Variants in MCOLN2 observed in about 807,000 individuals in gnomAD.
The protein encoded by MCOLN2 is mucolipin TRP cation channel 2, also known as mucolipin-2.
A neutral mutation model predicts 67.5 loss-of-function variants in MCOLN2; 57 were observed. That is an observed-to-expected ratio of 0.84 (90% CI 0.68 to 1.05). The LOEUF is 1.05. Among genes scored for constraint, MCOLN2 ranks in the 50% least tolerant of loss-of-function variants. The pLI is 0.00. For synonymous variants in MCOLN2, 246 were observed against 233.3 expected, an observed-to-expected ratio of 1.05 and a Z score of -0.50; for missense variants, 620 against 678.8, an observed-to-expected ratio of 0.91 and a Z score of 0.96.
intron 1 of MCOLN2, among the ~76,000 whole-genome samples, chr1:84,985,098 G>GA (rs375270641): frequency 6.3e-4 from 91 of 143,560 alleles, no homozygotes; most frequent in Admixed American, 6.9e-4. Context: ...TCAAAATGAG[G>GA]AAAAAAAAAA....
At chr1:84,941,143 T>A (rs1191966299) in intron 7 of MCOLN2, 152 bp from the exon 8 acceptor site, 1 of 611,314 alleles carries the variant, frequency 1.6e-6, no homozygotes, top group Non-Finnish European at 2.9e-6. Context: ...CACACCGCAT[T>A]CATTCAGAAG....
chr1:84,970,539 C>A (rs1467932584), intron 1 of MCOLN2, among the ~76,000 whole-genome samples: 1 of 151,438 alleles, frequency 6.6e-6, no homozygotes, highest in African/African-American at 2.4e-5. Flanking sequence ...AAATAACAGG[C>A]ATGTGTGGTG....
rs567663887 is a variant in MCOLN2 at position 84,996,929 on chromosome 1, C to T, written c.-57G>A. ...GGGATTCGGAACAGGAAACACCGTT[C>T]ACGGCCGACTCATTTCGCCCTCGCC... is the stretch of plus-strand genomic sequence containing the variant. On this transcript the variant is annotated 5_prime_UTR_variant, in exon 1 of 14. It removes the in-frame stop codon of an upstream open reading frame in the 5' UTR. Transcript: ENST00000370608. 1.3e-6 allele frequency: 2 copies of T among 1,481,488 alleles called. No individual in the cohort carries two copies. The highest frequency in any genetic ancestry group is 1.7e-5 in the Admixed American group (1 of 58,984). 91.8% of individuals were successfully genotyped at this position (1,481,488 alleles called of 1,614,324 possible).
In MCOLN2 at chr1:84,940,927, A is replaced by C; in HGVS notation, c.912T>G (p.Ser304=). ...CAATGGATCTTGTACACAGAATAAG[A>C]GATGCCAAGCAAATCACAATGACAA... ...DAFVIVICLA[S]LILCTRSIVL... Residue 304 remains serine (S), a synonymous_variant, in exon 8 of 14, where the codon TCT becomes TCG. Coordinates refer to ENST00000370608, the MANE Select transcript of MCOLN2 (RefSeq NM_153259.4). 6.2e-7 allele frequency: 1 copy of C among 1,613,924 alleles called. No homozygotes were observed. The highest frequency in any genetic ancestry group is 1.1e-5 in the South Asian group (1 of 91,034).
At chr1:84,960,342 A>G (rs185003512) in intron 2 of MCOLN2, among the ~76,000 whole-genome samples, 6 of 152,356 alleles carry the variant, frequency 3.9e-5, no homozygotes, top group Admixed American at 3.9e-4. Flanking sequence ...ATGGAAGCCA[A>G]GTCTAATTCC....
intron 7 of MCOLN2, among the ~76,000 whole-genome samples, chr1:84,944,603 G>A (rs1647990154): frequency 6.6e-6 from 1 of 152,158 alleles, no homozygotes; most frequent in South Asian, 2.1e-4. Flanking sequence ...CCAAGAAGGA[G>A]TCCCCCAATT....
chr1:84,965,080 C>T (rs982788517), intron 2 of MCOLN2, among the ~76,000 whole-genome samples: 1 of 152,098 alleles, frequency 6.6e-6, no homozygotes, highest in African/African-American at 2.4e-5. Context: ...CTCAATAATA[C>T]GAACTTGAAC....
chr1:84,966,995 C>T (rs555886691), intron 1 of MCOLN2, among the ~76,000 whole-genome samples: 7 of 152,216 alleles, frequency 4.6e-5, no homozygotes, highest in Admixed American at 6.5e-5. Flanking sequence ...CATTATATAA[C>T]ACATAAAAGT....
chr1:84,985,882 A>G (rs1209860253), intron 1 of MCOLN2, among the ~76,000 whole-genome samples: 1 of 152,178 alleles, frequency 6.6e-6, no homozygotes, highest in Non-Finnish European at 1.5e-5. Context: ...GCAATCTACA[A>G]GTCCAATGCA....
At chr1:84,985,286 G>T (rs1199279519) in intron 1 of MCOLN2, among the ~76,000 whole-genome samples, 11 of 152,134 alleles carry the variant, frequency 7.2e-5, no homozygotes, top group African/African-American at 2.7e-4. Context: ...TGGCTCAGCA[G>T]CATTTGATAC....
At chr1:84,968,890 A>G (rs931875957) in intron 1 of MCOLN2, among the ~76,000 whole-genome samples, 1 of 152,236 alleles carries the variant, frequency 6.6e-6, no homozygotes, top group African/African-American at 2.4e-5. Context: ...CAGAGAGGCC[A>G]GAAGGATCTG....
chr1:84,931,981 G>T (rs1452404857), intron 11 of MCOLN2, among the ~76,000 whole-genome samples: 1 of 151,494 alleles, frequency 6.6e-6, no homozygotes, highest in Non-Finnish European at 1.5e-5. Context: ...CCAAGCTTCT[G>T]CCACTGCACT....
intron 1 of MCOLN2, among the ~76,000 whole-genome samples, chr1:84,970,290 G>A (rs1446431791): frequency 1.4e-5 from 2 of 138,258 alleles, no homozygotes; most frequent in Non-Finnish European, 3.1e-5. Context: ...CACACACACA[G>A]CCTCTGGGTG....
Position 84,929,593 on chromosome 1 carries a change from G to A in MCOLN2, c.1629C>T (p.Ser543=). Residue 543 remains serine (S), a synonymous_variant, in exon 13 of 14, where the codon TCC becomes TCT. Transcript: ENST00000370608. The stretch of plus-strand genomic sequence containing the variant: ...AGCAGATGCAGGACAGGAAGGCTGA[G>A]GACTCTTTCTGATACTCTTCTTTGC... ...CSSKEEYQKE[S]SAFLSCICCR... 8 of 1,613,738 alleles carry A rather than the reference G, an allele frequency of 5.0e-6. No individual in the cohort carries two copies. In the Middle Eastern group the frequency reaches 1.3e-3, roughly 266 times the overall value.
chr1:84,927,006 C>T (rs911853716), intron 13 of MCOLN2, among the ~76,000 whole-genome samples: 6 of 151,440 alleles, frequency 4.0e-5, no homozygotes, highest in South Asian at 2.1e-4. Context: ...CCTCCATGCC[C>T]CCAGGGAGGG....
At chr1:84,942,032 T>C (rs1240417819) in intron 7 of MCOLN2, among the ~76,000 whole-genome samples, 1 of 152,152 alleles carries the variant, frequency 6.6e-6, no homozygotes, top group Non-Finnish European at 1.5e-5. Context: ...TCTTTCCTGC[T>C]CTCACCTCAG....
At chr1:84,941,656 G>A (rs1026229232) in intron 7 of MCOLN2, among the ~76,000 whole-genome samples, 3 of 152,162 alleles carry the variant, frequency 2.0e-5, no homozygotes, top group Non-Finnish European at 2.9e-5. Flanking sequence ...GACCTACTCT[G>A]AGTTCTTTCA....
chr1:84,968,870 G>C (rs552871590), intron 1 of MCOLN2, among the ~76,000 whole-genome samples: 63 of 152,334 alleles, frequency 4.1e-4, no homozygotes, highest in African/African-American at 1.4e-3. Flanking sequence ...CTGGAAGAAG[G>C]AAGGCTGCAC....
Position 84,978,394 on chromosome 1 carries a change from T to C in MCOLN2, c.78-12686A>G, listed in dbSNP as rs1167004974. ...ACATAAATAAAGATCAGAGCAGAAA[T>C]AAATGAAACTGAAATAAAGAAAATA... On this transcript the variant is annotated intron_variant, in intron 1 of 13. Coordinates refer to ENST00000370608, the MANE Select transcript of MCOLN2 (RefSeq NM_153259.4). Among the ~76,000 whole-genome samples the C allele has an allele frequency of 2.9e-5, 4 of 136,768 alleles. No homozygotes were observed. In the East Asian group the frequency reaches 9.1e-4, roughly 31 times the overall value. The allele number at this position is 136,768 out of a possible 152,430, so 89.7% of individuals were successfully genotyped here. A position where few individuals can be genotyped will look rare whatever the true frequency, so the allele number is the denominator to read the frequency against.
Sources: allele counts gnomAD v4.1 joint callset (sites outside exome capture counted in the v4.1 genomes callset), GRCh38; gene constraint gnomAD v4.1.1; transcripts MANE v1.5; gene names NCBI Gene and HGNC (gene_info 2026-07-23, HGNC 2026-07-21).